Variants in LIMCH1 observed in about 807,000 individuals in gnomAD.
LIMCH1 encodes the protein LIM and calponin homology domains 1.
In LIMCH1, 113 loss-of-function variants were observed where a neutral mutation model predicts 176.5. The ratio of observed to expected loss-of-function variants is 0.64; its 90% CI spans 0.55 to 0.75. The LOEUF (loss-of-function observed/expected upper bound fraction) is 0.75, where lower values mean the gene tolerates loss of function less well. Among genes scored for constraint, LIMCH1 ranks in the 30% least tolerant of loss-of-function variants. The probability of loss-of-function intolerance (pLI) is 0.00; values close to 1 mark genes in which losing one functional copy is unlikely to be tolerated. For missense variants in LIMCH1, 1,674 were observed against 1,814.9 expected (o/e 0.92, Z 1.41); for synonymous variants, 619 against 645.9 (o/e 0.96, Z 0.63).
At chr4:41,606,128 C>T (rs545220465) in intron 4 of LIMCH1, 124 bp downstream of exon 4, 2 of 609,340 alleles carry the variant, frequency 3.3e-6, no homozygotes, top group East Asian at 3.0e-5. Context: ...GATATGCACT[C>T]AAGGAAACGA....
At chr4:41,565,864 A>T (rs1437051852) in intron 1 of LIMCH1, among the ~76,000 whole-genome samples, 1 of 152,200 alleles carries the variant, frequency 6.6e-6, no homozygotes, top group East Asian at 1.9e-4. Flanking sequence ...AGTGTCTAAG[A>T]TGATGCTGAT....
At chr4:41,559,620 C>T (rs746228461) in intron 1 of LIMCH1, among the ~76,000 whole-genome samples, 1 of 152,262 alleles carries the variant, frequency 6.6e-6, no homozygotes, top group South Asian at 2.1e-4. Flanking sequence ...ATCTTAAGCT[C>T]GTACCAGCCT....
intron 1 of LIMCH1, among the ~76,000 whole-genome samples, chr4:41,433,589 CGCCCTCATAGCA>C (rs2061792637): frequency 6.6e-6 from 1 of 152,024 alleles, no homozygotes; most frequent in Non-Finnish European, 1.5e-5. Flanking sequence ...CAGGTTTGGG[CGCCCTCATAGCA>C]TGGTGGTTTC....
chr4:41,613,871 T>C (rs1020149806), intron 5 of LIMCH1, among the ~76,000 whole-genome samples: 15 of 152,244 alleles, frequency 9.9e-5, no homozygotes, highest in African/African-American at 3.4e-4. Context: ...CAGGAGTTTA[T>C]TTGAGCACTG....
At chr4:41,678,924 T>C (rs147288433) in intron 23 of LIMCH1, among the ~76,000 whole-genome samples, 22 of 152,282 alleles carry the variant, frequency 1.4e-4, no homozygotes, top group African/African-American at 5.1e-4. Flanking sequence ...TCTCTAAAAC[T>C]TTACAATACT....
At chr4:41,510,786 G>T (rs1026080378) in intron 2 of LIMCH1, among the ~76,000 whole-genome samples, 1 of 151,942 alleles carries the variant, frequency 6.6e-6, no homozygotes, top group Non-Finnish European at 1.5e-5. Context: ...ACGGAGTTTC[G>T]CCATGTTGGG....
chr4:41,615,902 T>C (rs1223493676), intron 5 of LIMCH1, among the ~76,000 whole-genome samples: 1 of 152,174 alleles, frequency 6.6e-6, no homozygotes, highest in Non-Finnish European at 1.5e-5. Flanking sequence ...GCCATACTCA[T>C]GAGAAGCATC....
chr4:41,421,643 C>T (rs919185961), intron 1 of LIMCH1, among the ~76,000 whole-genome samples: 5 of 152,082 alleles, frequency 3.3e-5, no homozygotes, highest in Non-Finnish European at 4.4e-5. Context: ...TTGGTCTTTT[C>T]ATTTCTGGAT....
At chr4:41,376,176 G>C (rs1470392258) in intron 1 of LIMCH1, among the ~76,000 whole-genome samples, 9 of 152,046 alleles carry the variant, frequency 5.9e-5, no homozygotes, top group Non-Finnish European at 1.3e-4. Context: ...AAATGTACTT[G>C]CCATTATAGT....
chr4:41,550,165 A>G (rs1232151849), intron 1 of LIMCH1, among the ~76,000 whole-genome samples: 1 of 151,632 alleles, frequency 6.6e-6, no homozygotes, highest in Non-Finnish European at 1.5e-5. Context: ...TCATGCTGCT[A>G]TTTAAAAACT....
In LIMCH1 at chr4:41,692,325, C is replaced by A. The variant is rs1344564922; in HGVS notation, c.4319C>A (p.Thr1440Lys). 6.2e-7 allele frequency: 1 copy of A among 1,613,450 alleles called. No homozygotes were observed. Among genetic ancestry groups the A allele is most frequent in the African/African-American group, 1.3e-5 (1 of 74,992 alleles). Residue 1440 changes from threonine to lysine, a missense_variant, in exon 31 of 32, where the codon ACG becomes AAG. Coordinates refer to ENST00000503057, the MANE Select transcript of LIMCH1 (RefSeq NM_001330672.2). ...CAGCTTGGAGATGCAGTGAGTGGGA[C>A]GGATGTTAGGATTCGAAATGGTCTC... is the stretch of plus-strand genomic sequence containing the variant. ...KGQLGDAVSG[T>K]DVRIRNGLLN... is the part of the protein sequence containing the mutation.
chr4:41,602,883 A>G (rs891875267), intron 2 of LIMCH1, among the ~76,000 whole-genome samples: 2 of 151,894 alleles, frequency 1.3e-5, no homozygotes, highest in African/African-American at 4.8e-5. Flanking sequence ...CCTATTAAAA[A>G]CAGAAACATG....
chr4:41,681,411 A>G (rs1196405250), intron 25 of LIMCH1, among the ~76,000 whole-genome samples: 1 of 152,136 alleles, frequency 6.6e-6, no homozygotes, highest in African/African-American at 2.4e-5. Context: ...CATTCATTCA[A>G]TATATATTTA....
chr4:41,650,995 CTATTTTATTT>C (rs751238492), intron 18 of LIMCH1, among the ~76,000 whole-genome samples: 60 of 150,922 alleles, frequency 4.0e-4, no homozygotes, highest in Non-Finnish European at 4.4e-4. Flanking sequence ...TCAGATTTCC[CTATTTTATTT>C]TATTTTATTT....
chr4:41,664,671 C>G (rs903990984), intron 20 of LIMCH1, among the ~76,000 whole-genome samples: 2 of 152,226 alleles, frequency 1.3e-5, no homozygotes, highest in Admixed American at 6.5e-5. Flanking sequence ...TGTATCATTG[C>G]AAGTAAAACA....
At chr4:41,457,679 C>G (rs949630782) in intron 1 of LIMCH1, among the ~76,000 whole-genome samples, 14 of 152,214 alleles carry the variant, frequency 9.2e-5, no homozygotes, top group Non-Finnish European at 1.8e-4. Flanking sequence ...ACATCCCTAA[C>G]GAAGGTGAAG....
At chr4:41,569,891 T>TA (rs2152593501) in intron 1 of LIMCH1, among the ~76,000 whole-genome samples, 1 of 152,378 alleles carries the variant, frequency 6.6e-6, no homozygotes, top group East Asian at 1.9e-4. Flanking sequence ...ATTTATGCTT[T>TA]AAAGTTCCTA....
At chr4:41,541,910 C>T (rs2078709578) in intron 1 of LIMCH1, among the ~76,000 whole-genome samples, 1 of 152,144 alleles carries the variant, frequency 6.6e-6, no homozygotes, top group Non-Finnish European at 1.5e-5. Context: ...CTGCAAATAC[C>T]ATAAAGGACA....
chr4:41,636,993 A>C (rs1006435126), intron 13 of LIMCH1, among the ~76,000 whole-genome samples: 3 of 152,236 alleles, frequency 2.0e-5, no homozygotes, highest in Non-Finnish European at 4.4e-5. Flanking sequence ...TTCAAATTGA[A>C]ACACAAAAAC....
Sources: allele counts gnomAD v4.1 joint callset (sites outside exome capture counted in the v4.1 genomes callset), GRCh38; gene constraint gnomAD v4.1.1; transcripts MANE v1.5; gene names NCBI Gene and HGNC (gene_info 2026-07-23, HGNC 2026-07-21).